Variants in FER observed in about 807,000 individuals in gnomAD.
FER encodes FER tyrosine kinase.
FER carries 63 observed loss-of-function variants against 111.0 expected under a neutral mutation model. The ratio of observed to expected loss-of-function variants is 0.57; its 90% CI spans 0.46 to 0.70. The LOEUF (loss-of-function observed/expected upper bound fraction) is 0.70. Among genes scored for constraint, FER ranks in the 30% least tolerant of loss-of-function variants. FER has a pLI of 0.00. For synonymous variants in FER, 327 were observed against 313.9 expected, an observed-to-expected ratio of 1.04 and a Z score of -0.44; for missense variants, 914 against 954.0, an observed-to-expected ratio of 0.96 and a Z score of 0.55.
chr5:108,986,583 TA>T (rs748814210), intron 13 of FER, among the ~76,000 whole-genome samples: 1 of 152,228 alleles, frequency 6.6e-6, no homozygotes, highest in Non-Finnish European at 1.5e-5. Context: ...TTTCAGATCT[TA>T]AATTTAAGTC....
chr5:109,155,832 C>A (rs755772297), intron 17 of FER, among the ~76,000 whole-genome samples: 9 of 151,846 alleles, frequency 5.9e-5, no homozygotes, highest in Non-Finnish European at 1.3e-4. Context: ...CTGAGAGAGC[C>A]TATACACTGG....
chr5:108,939,100 T>C (rs1045005013), intron 10 of FER, among the ~76,000 whole-genome samples: 1 of 151,984 alleles, frequency 6.6e-6, no homozygotes, highest in East Asian at 1.9e-4. Flanking sequence ...TAAACTAGGG[T>C]TTTTCCATAC....
chr5:109,124,703 A>T (rs1011062074), intron 17 of FER, among the ~76,000 whole-genome samples: 3 of 152,110 alleles, frequency 2.0e-5, no homozygotes, highest in Non-Finnish European at 4.4e-5. Context: ...AGGAAGAAAA[A>T]CATTTAAAAG....
At chr5:108,860,898 A>C (rs1763451840) in intron 5 of FER, among the ~76,000 whole-genome samples, 1 of 152,186 alleles carries the variant, frequency 6.6e-6, no homozygotes, top group South Asian at 2.1e-4. Flanking sequence ...GGTGAGAGAG[A>C]CTGAGCAAGA....
intron 10 of FER, among the ~76,000 whole-genome samples, chr5:108,917,663 T>A (rs1288705448): frequency 6.6e-6 from 1 of 152,170 alleles, no homozygotes; most frequent in African/African-American, 2.4e-5. Flanking sequence ...GCTTCTTGTT[T>A]GCTTCTAATT....
chr5:109,104,325 A>C (rs1325474203), intron 17 of FER, among the ~76,000 whole-genome samples: 4 of 152,234 alleles, frequency 2.6e-5, no homozygotes, highest in Non-Finnish European at 5.9e-5. Context: ...GGGGCTACCA[A>C]AATGAAGATT....
intron 17 of FER, among the ~76,000 whole-genome samples, chr5:109,109,317 G>A (rs974421239): frequency 1.3e-5 from 2 of 151,996 alleles, no homozygotes; most frequent in African/African-American, 2.4e-5. Flanking sequence ...ATATTCACAT[G>A]TATATATGCT....
intron 13 of FER, among the ~76,000 whole-genome samples, chr5:108,959,906 CT>C (rs1475234328): frequency 6.6e-6 from 1 of 152,022 alleles, no homozygotes. Context: ...CTTACATGTG[CT>C]TTACAAGATT....
intron 17 of FER, among the ~76,000 whole-genome samples, chr5:109,165,278 C>T (rs1413897836): frequency 6.6e-6 from 1 of 152,176 alleles, no homozygotes; most frequent in African/African-American, 2.4e-5. Flanking sequence ...ATTGATGACT[C>T]AGGGTCCTCA....
At chr5:108,794,481 A>T (rs910737318) in intron 2 of FER, among the ~76,000 whole-genome samples, 1 of 151,024 alleles carries the variant, frequency 6.6e-6, no homozygotes, top group African/African-American at 2.4e-5. Flanking sequence ...GGCCTCCCAA[A>T]GTGCTGGGAT....
chr5:108,758,288 G>A (rs1337336089), intron 1 of FER, among the ~76,000 whole-genome samples: 5 of 152,288 alleles, frequency 3.3e-5, no homozygotes, highest in African/African-American at 1.2e-4. Context: ...GTGGTGTGGG[G>A]AAAAGAGCAA....
chr5:109,154,675 C>A (rs1021145997), intron 17 of FER, among the ~76,000 whole-genome samples: 1 of 151,860 alleles, frequency 6.6e-6, no homozygotes, highest in African/African-American at 2.4e-5. Flanking sequence ...AAGTACTATT[C>A]GACATCTATA....
At chr5:108,800,088 C>T (rs1282857332) in intron 3 of FER, among the ~76,000 whole-genome samples, 1 of 152,018 alleles carries the variant, frequency 6.6e-6, no homozygotes, top group African/African-American at 2.4e-5. Context: ...AATGATCTAC[C>T]TGCCTCGGTC....
chr5:109,001,755 C>T (rs886892461), intron 13 of FER, among the ~76,000 whole-genome samples: 1 of 152,196 alleles, frequency 6.6e-6, no homozygotes, highest in Non-Finnish European at 1.5e-5. Context: ...AGCCCAAAAT[C>T]TCCTTAAGCT....
At chr5:109,163,778 A>G (rs895314783) in intron 17 of FER, among the ~76,000 whole-genome samples, 1 of 152,232 alleles carries the variant, frequency 6.6e-6, no homozygotes, top group Middle Eastern at 3.4e-3. Flanking sequence ...ACATTTTTTT[A>G]AAAACATTTC....
chr5:108,819,539 A>C (rs1236079437), intron 3 of FER, among the ~76,000 whole-genome samples: 1 of 152,160 alleles, frequency 6.6e-6, no homozygotes, highest in Non-Finnish European at 1.5e-5. Flanking sequence ...TATTTTCTTC[A>C]TAGTGTTGAT....
intron 13 of FER, among the ~76,000 whole-genome samples, chr5:108,977,542 G>C (rs1318604146): frequency 6.6e-6 from 1 of 152,050 alleles, no homozygotes; most frequent in Admixed American, 6.6e-5. Flanking sequence ...TAATAATATA[G>C]AACCTCAAAC....
At chr5:109,068,344 C>T (rs895775317) in intron 16 of FER, among the ~76,000 whole-genome samples, 30 of 152,070 alleles carry the variant, frequency 2.0e-4, no homozygotes, top group South Asian at 6.2e-4. Flanking sequence ...CCTCCACACC[C>T]GGCTAATTTT....
At chr5:108,919,052 A>G (rs936732508) in intron 10 of FER, among the ~76,000 whole-genome samples, 92 of 152,292 alleles carry the variant, frequency 6.0e-4, no homozygotes, top group African/African-American at 2.2e-3. Context: ...TAATGTTTAT[A>G]TTTGTGAAAT....
Sources: gnomAD v4.1 joint callset for allele counts (sites outside exome capture counted in the v4.1 genomes callset) on GRCh38, gnomAD v4.1.1 for gene constraint, MANE v1.5 for transcripts, NCBI Gene and HGNC (gene_info 2026-07-23, HGNC 2026-07-21) for gene names.